NCR2: variants seen among roughly 807,000 people sequenced by gnomAD.
NCR2 encodes the protein NK cell activating receptor (NKp44).
NCR2 carries 35 observed loss-of-function variants against 30.7 expected under a neutral mutation model. The observed-to-expected ratio is 1.14, with a 90% confidence interval of 0.87 to 1.51. The LOEUF (loss-of-function observed/expected upper bound fraction) is 1.51, where lower values mean the gene tolerates loss of function less well. Among genes scored for constraint, NCR2 ranks in the 40% most tolerant of loss-of-function variants. The pLI is 0.00. For missense variants in NCR2, 316 were observed against 328.9 expected (o/e 0.96, Z 0.30); for synonymous variants, 146 against 134.8 (o/e 1.08, Z -0.58).
chr6:41,345,063 C>T (rs1769270481), intron 4 of NCR2, among the ~76,000 whole-genome samples: 1 of 152,146 alleles, frequency 6.6e-6, no homozygotes, highest in Admixed American at 6.5e-5. Flanking sequence ...GCCCTGTGCC[C>T]TGAGCAGAGC....
At chr6:41,338,800 A>C (rs1769092538) in intron 2 of NCR2, among the ~76,000 whole-genome samples, 1 of 152,244 alleles carries the variant, frequency 6.6e-6, no homozygotes. Flanking sequence ...GCGTCAAGGG[A>C]AAATGATATC....
At chr6:41,343,944 T>G (rs980976248) in intron 4 of NCR2, among the ~76,000 whole-genome samples, 9 of 152,126 alleles carry the variant, frequency 5.9e-5, no homozygotes, top group Admixed American at 1.3e-4. Context: ...TCCAGACGCC[T>G]GGGTCACCCC....
intron 4 of NCR2, among the ~76,000 whole-genome samples, chr6:41,345,738 T>G (rs9381050): frequency 4.1e-4 from 63 of 151,956 alleles, no homozygotes; most frequent in Admixed American, 9.2e-4. Context: ...TAAGACCTTG[T>G]AAATCCATGA....
chr6:41,344,602 G>A (rs559380446), intron 4 of NCR2, among the ~76,000 whole-genome samples: 46 of 152,278 alleles, frequency 3.0e-4, no homozygotes, highest in South Asian at 6.2e-4. Context: ...TTTGTTCTCC[G>A]AATGTTCCTT....
intron 1 of NCR2, 70 bp from the exon 2 acceptor site, chr6:41,336,017 G>A: frequency 6.3e-7 from 1 of 1,587,282 alleles, no homozygotes; most frequent in Non-Finnish European, 8.6e-7. Context: ...GTGGCTCTGT[G>A]GCCAGAGGCC....
intron 2 of NCR2, among the ~76,000 whole-genome samples, chr6:41,339,337 C>T (rs192357594): frequency 6.6e-6 from 1 of 152,200 alleles, no homozygotes; most frequent in Non-Finnish European, 1.5e-5. Flanking sequence ...GCTGGGATTA[C>T]AGGCTTGAGC....
At chr6:41,345,121 T>A (rs747929719) in intron 4 of NCR2, among the ~76,000 whole-genome samples, 2 of 152,174 alleles carry the variant, frequency 1.3e-5, no homozygotes, top group Non-Finnish European at 2.9e-5. Flanking sequence ...TCTCTGCAGC[T>A]GTTGAGAGAG....
intron 2 of NCR2, among the ~76,000 whole-genome samples, chr6:41,341,344 G>A (rs1769162977): frequency 6.6e-6 from 1 of 152,132 alleles, no homozygotes; most frequent in Non-Finnish European, 1.5e-5. Flanking sequence ...TTGGGGTCCA[G>A]GGCTGTGCAG....
At position 41,335,912 on chromosome 6, in the gene NCR2, GC is replaced by G; in HGVS notation, c.37del (p.Leu13CysfsTer24). The G allele has an allele frequency of 6.4e-7, 1 of 1,571,532 alleles. No homozygotes were observed. The highest frequency in any genetic ancestry group is 8.6e-7 in the Non-Finnish European group (1 of 1,157,756). On this transcript the variant is annotated frameshift_variant, in exon 1 of 5. Transcript: ENST00000373089. LOFTEE classifies it high-confidence loss of function. ...WRALHPLLLL[L>X]LLFPGSQAQS... ...GAGCCCTACACCCACTGCTACTGCT[GC>G]TGCTGCTGTTCCCAGGTGAGGGGGA...
At chr6:41,348,138 G>A (rs1356411081) in intron 4 of NCR2, among the ~76,000 whole-genome samples, 3 of 152,180 alleles carry the variant, frequency 2.0e-5, no homozygotes, top group Admixed American at 6.5e-5. Flanking sequence ...ATTCGTGCCT[G>A]TATTTTAAAA....
chr6:41,341,957 C>T (rs746914202), intron 3 of NCR2, 28 bp downstream of exon 3: 3 of 1,610,868 alleles, frequency 1.9e-6, no homozygotes, highest in African/African-American at 1.3e-5. Context: ...CGTAGCCACA[C>T]AGGCCTGGGC....
At chr6:41,336,906 C>T (rs1318356556) in intron 2 of NCR2, among the ~76,000 whole-genome samples, 1 of 151,938 alleles carries the variant, frequency 6.6e-6, no homozygotes, top group African/African-American at 2.4e-5. Flanking sequence ...AAAAGAAAAA[C>T]AATATTTTGT....
chr6:41,344,987 A>C (rs533570885), intron 4 of NCR2, among the ~76,000 whole-genome samples: 1 of 152,140 alleles, frequency 6.6e-6, no homozygotes, highest in African/African-American at 2.4e-5. Flanking sequence ...GGAACAGAGC[A>C]AAGGGGTCTC....
chr6:41,344,937 T>G (rs1191681276), intron 4 of NCR2, among the ~76,000 whole-genome samples: 1 of 152,186 alleles, frequency 6.6e-6, no homozygotes, highest in Middle Eastern at 3.2e-3. Context: ...CTGTCCTTCC[T>G]GGGAGTGTAA....
chr6:41,336,460 T>C, intron 2 of NCR2, 32 bp downstream of exon 2: 1 of 1,570,922 alleles, frequency 6.4e-7, no homozygotes, highest in Non-Finnish European at 8.7e-7. Flanking sequence ...CTCAGAGGGG[T>C]GCCCCTCACC....
chr6:41,348,577 C>T (rs749608101), intron 4 of NCR2, among the ~76,000 whole-genome samples: 1 of 152,052 alleles, frequency 6.6e-6, no homozygotes, highest in Admixed American at 6.6e-5. Flanking sequence ...TCTCAGTGGT[C>T]GTGGCTCCTT....
At position 41,342,046 on chromosome 6, in the gene NCR2, T is replaced by G; in HGVS notation, c.541T>G (p.Ser181Ala). 1.2e-6 allele frequency: 2 copies of G among 1,613,924 alleles called. No homozygotes were observed. The highest frequency in any genetic ancestry group is 2.2e-5 in the South Asian group (2 of 91,072). Residue 181 changes from serine to alanine, a missense_variant, in exon 4 of 5, where the codon TCC becomes GCC. Ser to Ala is a moderately conservative substitution (Grantham distance 99, BLOSUM62 1). Coordinates refer to ENST00000373089, the MANE Select transcript of NCR2 (RefSeq NM_004828.4). ...TIPVPSQPQN[S>A]TLRPGPAAPI... ...CCCTCTGCCTTCCAGGCCACAGAAC[T>G]CCACGCTCCGCCCTGGCCCTGCAGC...
At chr6:41,345,970 C>T (rs1228103635) in intron 4 of NCR2, among the ~76,000 whole-genome samples, 2 of 152,038 alleles carry the variant, frequency 1.3e-5, no homozygotes, top group Non-Finnish European at 1.5e-5. Context: ...CTCCTGAGCC[C>T]AAGGGTGGGG....
chr6:41,350,554 C>A (rs1769400892), intron 4 of NCR2, 124 bp from the exon 5 acceptor site: 4 of 779,018 alleles, frequency 5.1e-6, no homozygotes, highest in Non-Finnish European at 8.5e-6. Context: ...AGACTTCATC[C>A]TTGTGAGGTG....
Sources: gnomAD v4.1 joint callset for allele counts (sites outside exome capture counted in the v4.1 genomes callset) on GRCh38, gnomAD v4.1.1 for gene constraint, MANE v1.5 for transcripts, NCBI Gene and HGNC (gene_info 2026-07-23, HGNC 2026-07-21) for gene names.